Variants in ADAMTSL2 observed in about 807,000 individuals in gnomAD.
ADAMTSL2 encodes ADAMTS-like protein 2.
Under a neutral mutation model 117.0 loss-of-function variants are expected in ADAMTSL2, and 55 were observed. That is an observed-to-expected ratio of 0.47 (90% CI 0.38 to 0.59). The LOEUF (loss-of-function observed/expected upper bound fraction) is 0.59. Among genes scored for constraint, ADAMTSL2 ranks in the 20% least tolerant of loss-of-function variants. The probability of loss-of-function intolerance (pLI) is 0.00; values close to 1 mark genes in which losing one functional copy is unlikely to be tolerated. For synonymous variants in ADAMTSL2, 572 were observed against 566.4 expected (o/e 1.01, Z -0.14); for missense variants, 1,182 against 1,354.5 (o/e 0.87, Z 2.00).
At chr9:133,536,302 C>T (rs1588273308) in intron 1 of ADAMTSL2, among the ~76,000 whole-genome samples, 1 of 152,250 alleles carries the variant, frequency 6.6e-6, no homozygotes, top group Non-Finnish European at 1.5e-5. Flanking sequence ...CCCATCCCTT[C>T]GAACCAGAGC....
intron 12 of ADAMTSL2, 146 bp downstream of exon 12, chr9:133,561,441 T>C (rs779815656): frequency 9.6e-6 from 7 of 732,612 alleles, no homozygotes; most frequent in Non-Finnish European, 1.4e-5. Flanking sequence ...TTGGGGGCAG[T>C]GTGGCGTGAT....
At position 133,534,829 on chromosome 9, in the gene ADAMTSL2, C is replaced by G; in HGVS notation, c.-239C>G. On this transcript the variant is annotated 5_prime_UTR_variant, in exon 1 of 19. Transcript: ENST00000651351. ...GGCCGCAGCCTCTGCACTCACGCCG[C>G]CCCCGCACGCACAGCGCACCTGGCG... The G allele has an allele frequency of 6.7e-7, 1 of 1,496,790 alleles. No individual in the cohort carries two copies. Among genetic ancestry groups the G allele is most frequent in the East Asian group, 2.8e-5 (1 of 35,524 alleles). 92.7% of individuals were successfully genotyped at this position (1,496,790 alleles called of 1,614,324 possible).
At chr9:133,569,748 T>C (rs1831061198) in intron 16 of ADAMTSL2, among the ~76,000 whole-genome samples, 170 bp downstream of exon 16, 1 of 152,218 alleles carries the variant, frequency 6.6e-6, no homozygotes, top group African/African-American at 2.4e-5. Context: ...GCTTAAAAGG[T>C]AGGAAAACAC....
chr9:133,566,979 C>T lies in ADAMTSL2; in HGVS notation c.1791C>T (p.Val597=), dbSNP rs1394481441. 41 of 1,610,978 alleles carry T rather than the reference C, an allele frequency of 2.5e-5. No individual in the cohort carries two copies. The highest frequency in any genetic ancestry group is 4.0e-5 in the African/African-American group (3 of 74,878). Residue 597 remains valine, a synonymous_variant, in exon 13 of 19, where the codon GTC becomes GTT. Transcript: ENST00000651351. ...CCATGTGTGTCCGCTATGATGGCGT[C>T]GAGGTGGATGACAGCTACTGTGACG... is the stretch of plus-strand genomic sequence containing the variant. ...AYAMCVRYDG[V]EVDDSYCDAL... is the part of the protein sequence containing the mutation.
chr9:133,564,695 A>AGAGAGAGAGGGAGAGG (rs1830920034), intron 12 of ADAMTSL2, among the ~76,000 whole-genome samples: 1 of 133,958 alleles, frequency 7.5e-6, no homozygotes. Context: ...AGGGAGAGGG[A>AGAGAGAGAGGGAGAGG]GAGAGAGAGA....
chr9:133,536,450 T>G, intron 1 of ADAMTSL2, 113 bp from the exon 2 acceptor site: 1 of 1,426,058 alleles, frequency 7.0e-7, no homozygotes, highest in Non-Finnish European at 9.3e-7. Flanking sequence ...TGGCACAGGC[T>G]TAGCACGCAC....
chr9:133,546,536 G>A (rs1027770037), intron 8 of ADAMTSL2, among the ~76,000 whole-genome samples: 1 of 152,184 alleles, frequency 6.6e-6, no homozygotes, highest in African/African-American at 2.4e-5. Context: ...CCGTGGAGAG[G>A]TTGGAGCTGG....
intron 12 of ADAMTSL2, among the ~76,000 whole-genome samples, chr9:133,564,199 G>GGAGAGAGAGAGAGAGA (rs1316648579): frequency 1.4e-4 from 1 of 7,082 alleles, no homozygotes; most frequent in Non-Finnish European, 2.9e-4. Flanking sequence ...AGAGAGAGAG[G>GGAGAGAGAGAGAGAGA]GAGAGAGAGA....
intron 4 of ADAMTSL2, among the ~76,000 whole-genome samples, chr9:133,539,158 C>A (rs533043466): frequency 6.6e-6 from 1 of 152,084 alleles, no homozygotes; most frequent in Non-Finnish European, 1.5e-5. Flanking sequence ...TCTGTGTTGG[C>A]GTCACCTGGT....
chr9:133,550,778 C>T (rs11559487), intron 9 of ADAMTSL2, among the ~76,000 whole-genome samples: 80,358 of 151,880 alleles, frequency 0.53, 21,536 homozygotes, highest in African/African-American at 0.57. Flanking sequence ...CCTTCCTCCA[C>T]GCTGATTCAT....
Position 133,575,074 on chromosome 9 carries a change from A to G in ADAMTSL2, c.*210A>G, listed in dbSNP as rs1588315201. On this transcript the variant is annotated 3_prime_UTR_variant, in exon 19 of 19. Coordinates refer to ENST00000651351, the MANE Select transcript of ADAMTSL2 (RefSeq NM_014694.4). ...CCTCCGGCACCCAGTGGCCTCCCCC[A>G]GACAGAGCCACCCCTGCCGTGGGAA... 1.7e-6 allele frequency: 1 copy of G among 590,802 alleles called. No homozygotes were observed. Among genetic ancestry groups the G allele is most frequent in the African/African-American group, 1.9e-5 (1 of 53,656 alleles). 36.6% of individuals were successfully genotyped at this position (590,802 alleles called of 1,614,324 possible).
chr9:133,564,091 A>G lies in ADAMTSL2; in HGVS notation c.1747+2796A>G, dbSNP rs752354622. Among the ~76,000 whole-genome samples the G allele has an allele frequency of 5.9e-3, 218 of 36,940 alleles. 13 individuals are homozygous for G. In the Middle Eastern group the frequency reaches 0.12, roughly 20 times the overall value. The allele number at this position is 36,940 out of a possible 152,430, so 24.2% of individuals were successfully genotyped here. A position where few individuals can be genotyped will look rare whatever the true frequency, so the allele number is the denominator to read the frequency against. ...CAGAGAGAAAGGGAGAGAGAGAGAG[A>G]GGGAGAGAGAGAGAGAGAGAAAAAG... On this transcript the variant is annotated intron_variant, in intron 12 of 18. Coordinates refer to ENST00000651351, the MANE Select transcript of ADAMTSL2 (RefSeq NM_014694.4).
chr9:133,570,301 G>A (rs1370785551), intron 16 of ADAMTSL2, 30 bp from the exon 17 acceptor site: 9 of 1,537,010 alleles, frequency 5.9e-6, no homozygotes, highest in South Asian at 2.4e-5. Context: ...GGGCCCTGGC[G>A]CTGACCCGCT....
intron 9 of ADAMTSL2, among the ~76,000 whole-genome samples, chr9:133,552,074 C>T (rs200217043): frequency 2.0e-5 from 3 of 151,964 alleles, no homozygotes; most frequent in Admixed American, 6.6e-5. Context: ...ATGATTTGCC[C>T]GCCTCGGCCT....
At chr9:133,536,274 C>A (rs944637132) in intron 1 of ADAMTSL2, among the ~76,000 whole-genome samples, 1 of 152,260 alleles carries the variant, frequency 6.6e-6, no homozygotes, top group Non-Finnish European at 1.5e-5. Flanking sequence ...CCTGCCAAGG[C>A]GCTGGACTGA....
At position 133,557,210 on chromosome 9, in the gene ADAMTSL2, C is replaced by T. The variant is rs977651190; in HGVS notation, c.1649+1280C>T. On this transcript the variant is annotated intron_variant, in intron 11 of 18. Coordinates refer to ENST00000651351, the MANE Select transcript of ADAMTSL2 (RefSeq NM_014694.4). The surrounding 1 kb of genome is among the most constrained non-coding windows in gnomAD (Gnocchi z 5.2). ...GGGACCAGAGCAACAAAGCCAACCT[C>T]CCTGGTGAGCCAGGAGCCCCAGGGG... Among the ~76,000 whole-genome samples, 17 of 152,302 alleles carry T rather than the reference C, an allele frequency of 1.1e-4. No homozygotes were observed. In the East Asian group the frequency reaches 2.1e-3, roughly 19 times the overall value.
At chr9:133,540,017 C>T in intron 5 of ADAMTSL2, 144 bp downstream of exon 5, 1 of 770,180 alleles carries the variant, frequency 1.3e-6, no homozygotes, top group Middle Eastern at 3.0e-4. Context: ...GAACCTGGGT[C>T]TCCTGAGCCC....
intron 12 of ADAMTSL2, among the ~76,000 whole-genome samples, chr9:133,562,663 C>T (rs1373713301): frequency 7.0e-6 from 1 of 143,320 alleles, no homozygotes; most frequent in Non-Finnish European, 1.5e-5. Flanking sequence ...TGGCGGGCAC[C>T]GGCTTGGCCA....
At chr9:133,565,083 G>A (rs1588306140) in intron 12 of ADAMTSL2, among the ~76,000 whole-genome samples, 1 of 152,140 alleles carries the variant, frequency 6.6e-6, no homozygotes, top group Non-Finnish European at 1.5e-5. Context: ...GCCCTTCGGC[G>A]CTCCAGGGCA....
Sources: gnomAD v4.1 joint callset for allele counts (sites outside exome capture counted in the v4.1 genomes callset) on GRCh38, gnomAD v4.1.1 for gene constraint, Gnocchi (gnomAD v3.1) non-coding constraint, MANE v1.5 for transcripts, NCBI Gene and HGNC (gene_info 2026-07-23, HGNC 2026-07-21) for gene names.